The following PALLD variants were observed in gnomAD, a reference collection of about 807,000 sequenced individuals.
The protein encoded by PALLD is palladin.
A neutral mutation model predicts 123.5 loss-of-function variants in PALLD; 61 were observed. The ratio of observed to expected loss-of-function variants is 0.49; its 90% CI spans 0.40 to 0.61. The LOEUF (loss-of-function observed/expected upper bound fraction) is 0.61. Among genes scored for constraint, PALLD ranks in the 20% least tolerant of loss-of-function variants. PALLD has a pLI of 0.00. For synonymous variants in PALLD, 465 were observed against 496.4 expected (o/e 0.94, Z 0.84); for missense variants, 1,273 against 1,377.0 (o/e 0.92, Z 1.20).
intron 16 of PALLD, among the ~76,000 whole-genome samples, chr4:168,914,561 C>T (rs539312359): frequency 6.6e-6 from 1 of 152,266 alleles, no homozygotes; most frequent in South Asian, 2.1e-4. Flanking sequence ...CTTTCCATTC[C>T]TAGTAGTTCT....
intron 8 of PALLD, among the ~76,000 whole-genome samples, chr4:168,704,621 G>A (rs932951854): frequency 1.4e-5 from 2 of 138,834 alleles, no homozygotes; most frequent in South Asian, 2.2e-4. Flanking sequence ...CCGAGATTGC[G>A]CCACTGCACC....
chr4:168,521,270 G>C (rs1026149905), intron 2 of PALLD, among the ~76,000 whole-genome samples: 1 of 152,116 alleles, frequency 6.6e-6, no homozygotes, highest in Non-Finnish European at 1.5e-5. Flanking sequence ...ACAAGCATCA[G>C]AAGCGCTTAG....
At chr4:168,598,628 T>G (rs530417090) in intron 2 of PALLD, 1 of 324,712 alleles carries the variant, frequency 3.1e-6, no homozygotes, top group Non-Finnish European at 6.2e-6. Flanking sequence ...AGCTATATTA[T>G]TCACAGCCAG....
At chr4:168,569,026 T>G (rs567488312) in intron 2 of PALLD, among the ~76,000 whole-genome samples, 3 of 152,260 alleles carry the variant, frequency 2.0e-5, no homozygotes, top group African/African-American at 4.8e-5. Flanking sequence ...TCTCCTGGTC[T>G]GGTTTACTTT....
intron 10 of PALLD, among the ~76,000 whole-genome samples, chr4:168,857,191 C>G (rs1748732935): frequency 6.6e-6 from 1 of 152,178 alleles, no homozygotes; most frequent in African/African-American, 2.4e-5. Context: ...ATTTTGTTAG[C>G]TAGCCAAAGT....
At chr4:168,647,166 A>G (rs961555393) in intron 2 of PALLD, among the ~76,000 whole-genome samples, 2 of 152,238 alleles carry the variant, frequency 1.3e-5, no homozygotes, top group South Asian at 2.1e-4. Context: ...CAAACATTTC[A>G]GCAGCCTTTT....
intron 10 of PALLD, among the ~76,000 whole-genome samples, chr4:168,780,375 G>A (rs1735749379): frequency 6.6e-6 from 1 of 152,186 alleles, no homozygotes; most frequent in Non-Finnish European, 1.5e-5. Flanking sequence ...GACTAATGCA[G>A]CATTGCTCTC....
intron 10 of PALLD, among the ~76,000 whole-genome samples, chr4:168,851,943 A>T (rs757053720): frequency 1.2e-4 from 18 of 152,194 alleles, no homozygotes; most frequent in Non-Finnish European, 2.1e-4. Context: ...GGAGGCTAAG[A>T]CGCAAGGTCC....
chr4:168,717,183 A>T (rs1340219153), intron 10 of PALLD, among the ~76,000 whole-genome samples: 1 of 151,982 alleles, frequency 6.6e-6, no homozygotes, highest in Admixed American at 6.6e-5. Context: ...GTCTTATTTC[A>T]TTGCTCTTTC....
chr4:168,759,850 T>C (rs1447011243), intron 10 of PALLD, among the ~76,000 whole-genome samples: 1 of 151,982 alleles, frequency 6.6e-6, no homozygotes, highest in Non-Finnish European at 1.5e-5. Flanking sequence ...ACCCAGGAGT[T>C]CGAGATCAGC....
intron 2 of PALLD, among the ~76,000 whole-genome samples, chr4:168,521,135 A>C (rs768486534): frequency 3.2e-4 from 49 of 152,128 alleles, no homozygotes; most frequent in Non-Finnish European, 4.0e-4. Context: ...TAGATCTTTT[A>C]TGGTATCATC....
intron 2 of PALLD, among the ~76,000 whole-genome samples, chr4:168,654,376 G>A (rs765968844): frequency 1.3e-5 from 2 of 152,004 alleles, no homozygotes; most frequent in Non-Finnish European, 2.9e-5. Context: ...GATCACAGTT[G>A]CTTTAGGGCA....
At chr4:168,898,227 G>A (rs1192196400) in intron 13 of PALLD, 6 of 478,668 alleles carry the variant, frequency 1.3e-5, no homozygotes, top group East Asian at 3.8e-5. Context: ...GTTTCCCCTC[G>A]CCTCAGAGAA....
rs567265708 is a variant in PALLD, at chr4:168,589,693, A to C, written c.908+77281A>C. 8.5e-5 allele frequency among the ~76,000 whole-genome samples: 13 copies of C among 152,310 alleles called. No individual in the cohort carries two copies. The South Asian group carries it at 2.7e-3, about 32-fold the overall frequency. On this transcript the variant is annotated intron_variant, in intron 2 of 21. Coordinates refer to ENST00000505667, the MANE Select transcript of PALLD (RefSeq NM_001166108.2). ...AGTTTGGGGAGTTGCTAAGCATGAG[A>C]GGCATTGTTGATAAATTATCTTGAG...
intron 10 of PALLD, among the ~76,000 whole-genome samples, chr4:168,781,304 A>G (rs1044882304): frequency 1.3e-5 from 2 of 152,198 alleles, no homozygotes; most frequent in Admixed American, 1.3e-4. Context: ...TTTTGGGGGT[A>G]TCTTCCTTCC....
intron 2 of PALLD, among the ~76,000 whole-genome samples, chr4:168,567,054 T>G (rs1314878595): frequency 6.6e-6 from 1 of 152,218 alleles, no homozygotes; most frequent in African/African-American, 2.4e-5. Flanking sequence ...ATTACCTTAC[T>G]TGAACAGTGA....
intron 10 of PALLD, among the ~76,000 whole-genome samples, chr4:168,765,554 C>A (rs563673707): frequency 1.3e-5 from 2 of 152,162 alleles, no homozygotes; most frequent in Non-Finnish European, 2.9e-5. Flanking sequence ...TTTAGCTACA[C>A]GTTCATGGAC....
At chr4:168,597,957 C>A (rs887421868) in intron 2 of PALLD, among the ~76,000 whole-genome samples, 1 of 151,988 alleles carries the variant, frequency 6.6e-6, no homozygotes, top group Non-Finnish European at 1.5e-5. Flanking sequence ...AGAACTTCAT[C>A]ATTTTCATGT....
chr4:168,878,158 G>GC lies in PALLD; in HGVS notation c.1965-12759dup. On this transcript the variant is annotated intron_variant, in intron 10 of 21. Coordinates refer to ENST00000505667, the MANE Select transcript of PALLD (RefSeq NM_001166108.2). ...GGGGCTCCTCCTCGCCGTCGCCCCC[G>GC]CCCCCGCCACCCCCGGTCTTCAGCC... The GC allele has an allele frequency of 1.8e-5, 14 of 789,398 alleles. No homozygotes were observed. In the Admixed American group the frequency reaches 1.8e-4, roughly 10 times the overall value. 48.9% of individuals were successfully genotyped at this position (789,398 alleles called of 1,614,324 possible).
Sources: gnomAD v4.1 joint callset for allele counts (sites outside exome capture counted in the v4.1 genomes callset) on GRCh38, gnomAD v4.1.1 for gene constraint, MANE v1.5 for transcripts, NCBI Gene and HGNC (gene_info 2026-07-23, HGNC 2026-07-21) for gene names.